The following PROM1 variants were observed in gnomAD, a reference collection of about 807,000 sequenced individuals.
The protein encoded by PROM1 is prominin 1.
PROM1 carries 105 observed loss-of-function variants against 116.9 expected under a neutral mutation model. The observed-to-expected ratio is 0.90, with a 90% CI of 0.77 to 1.06. The LOEUF (loss-of-function observed/expected upper bound fraction) is 1.06, where lower values mean the gene tolerates loss of function less well. Among genes scored for constraint, PROM1 ranks in the 50% least tolerant of loss-of-function variants. The pLI is 0.00. For synonymous variants in PROM1, 393 were observed against 387.0 expected (o/e 1.02, Z -0.18); for missense variants, 1,122 against 1,045.2 (o/e 1.07, Z -1.01).
intron 8 of PROM1, among the ~76,000 whole-genome samples, chr4:16,019,532 CT>C (rs1459029321): frequency 6.6e-5 from 10 of 152,172 alleles, no homozygotes; most frequent in Non-Finnish European, 1.2e-4. Context: ...GGAGGGGCAT[CT>C]AGTACCAGGA....
intron 3 of PROM1, among the ~76,000 whole-genome samples, chr4:16,036,019 G>A (rs575088638): frequency 3.9e-5 from 6 of 152,282 alleles, no homozygotes; most frequent in East Asian, 3.9e-4. Flanking sequence ...TTCTTAATCC[G>A]TATGCTAATC....
At chr4:15,995,994 T>A (rs2149150100) in intron 15 of PROM1, among the ~76,000 whole-genome samples, 1 of 152,340 alleles carries the variant, frequency 6.6e-6, no homozygotes, top group East Asian at 1.9e-4. Context: ...AAGCAGTTGT[T>A]AGTATGGTAC....
chr4:16,063,836 A>G (rs1560601698), intron 2 of PROM1, among the ~76,000 whole-genome samples: 1 of 152,192 alleles, frequency 6.6e-6, no homozygotes, highest in Non-Finnish European at 1.5e-5. Flanking sequence ...TACAGATGAA[A>G]TGACAGAACA....
At chr4:15,971,015 T>C (rs1714403213) in intron 27 of PROM1, 28 bp downstream of exon 27, 2 of 1,539,792 alleles carry the variant, frequency 1.3e-6, no homozygotes, top group African/African-American at 1.4e-5. Context: ...GTCCTGTAGA[T>C]TCTCTTCAAT....
chr4:15,977,993 G>A (rs754087139), intron 26 of PROM1, among the ~76,000 whole-genome samples: 1 of 152,084 alleles, frequency 6.6e-6, no homozygotes, highest in Non-Finnish European at 1.5e-5. Flanking sequence ...TCACGGTGAC[G>A]CTTTAGGTCA....
Position 15,994,431 on chromosome 4 carries a change from G to A in PROM1, c.1683-360C>T, listed in dbSNP as rs529654833. On this transcript the variant is annotated intron_variant, in intron 15 of 27. Coordinates refer to ENST00000447510, the MANE Select transcript of PROM1 (RefSeq NM_006017.3). Reference sequence around the variant, plus strand: ...TTGCTAGAAAGAGACGCACTGCAGAGTAGATTATGAACTTCATTAAATGAT... The same window carrying A: ...TTGCTAGAAAGAGACGCACTGCAGAATAGATTATGAACTTCATTAAATGAT... 2.3e-4 allele frequency among the ~76,000 whole-genome samples: 35 copies of A among 152,342 alleles called. No homozygotes were observed. In the South Asian group the frequency reaches 7.0e-3, roughly 31 times the overall value.
chr4:15,981,499 G>A (rs370144973), intron 23 of PROM1, among the ~76,000 whole-genome samples: 2 of 151,812 alleles, frequency 1.3e-5, no homozygotes, highest in South Asian at 4.2e-4. Context: ...GTGAACCCAG[G>A]AGGCGGAGGT....
At position 16,023,374 on chromosome 4, in the gene PROM1, T is replaced by C. The variant is rs1362199163; in HGVS notation, c.736A>G (p.Arg246Gly). The C allele has an allele frequency of 1.9e-6, 3 of 1,607,812 alleles. No individual in the cohort carries two copies. Among genetic ancestry groups the C allele is most frequent in the Non-Finnish European group, 2.5e-6 (3 of 1,176,860 alleles). ...TCAAGAACAGGGATGATGTTGGGTC[T>C]CAGTCGGTCAAGAATTCCGCCTCCT... is the stretch of plus-strand genomic sequence containing the variant. ...VLGGGILDRLRPNIIPVLDEI... is the reference protein window; with the variant it reads ...VLGGGILDRLGPNIIPVLDEI... Residue 246 changes from arginine (R) to glycine (G), a missense_variant, in exon 8 of 28, where the codon AGA becomes GGA. Arg to Gly is a moderately radical substitution (Grantham distance 125, BLOSUM62 -2). Coordinates refer to ENST00000447510, the MANE Select transcript of PROM1 (RefSeq NM_006017.3).
At chr4:16,005,105 G>C (rs1250237220) in intron 13 of PROM1, among the ~76,000 whole-genome samples, 1 of 151,696 alleles carries the variant, frequency 6.6e-6, no homozygotes, top group Non-Finnish European at 1.5e-5. Flanking sequence ...TGGGATTACA[G>C]GTGTGCACCA....
In PROM1 at chr4:16,016,167, T is replaced by C; in HGVS notation, c.1076A>G (p.Gln359Arg). The change falls in exon 10 of 28, where the codon CAG becomes CGG. Residue 359 changes from glutamine to arginine, a missense_variant and splice_region_variant. Coordinates refer to ENST00000447510, the MANE Select transcript of PROM1 (RefSeq NM_006017.3). ...LRTDLDGLVQ[Q>R]GYQSLNDIPD... is the part of the protein sequence containing the mutation. ...ATTGTATTTTTTCCAAAAGCATACC[T>C]GTTGGACCAGGCCATCCAAATCTGT... 2 of 1,553,578 alleles carry C rather than the reference T, an allele frequency of 1.3e-6. No homozygotes were observed. Among genetic ancestry groups the C allele is most frequent in the Non-Finnish European group, 1.7e-6 (2 of 1,147,638 alleles).
At chr4:15,981,530 C>G (rs1372880880) in intron 23 of PROM1, among the ~76,000 whole-genome samples, 1 of 151,362 alleles carries the variant, frequency 6.6e-6, no homozygotes, top group Non-Finnish European at 1.5e-5. Context: ...CGAGATTGCA[C>G]CACTGCACTC....
chr4:15,970,021 G>T (rs893352638), intron 27 of PROM1, among the ~76,000 whole-genome samples: 17 of 151,672 alleles, frequency 1.1e-4, no homozygotes, highest in African/African-American at 3.9e-4. Context: ...CTATTCACAG[G>T]TATAATCATG....
chr4:16,024,505 C>A, intron 6 of PROM1, 147 bp from the exon 7 acceptor site: 2 of 634,832 alleles, frequency 3.2e-6, no homozygotes, highest in Non-Finnish European at 5.3e-6. Context: ...TGCTTTCTGA[C>A]AAGTTGGAAC....
intron 10 of PROM1, among the ~76,000 whole-genome samples, chr4:16,015,965 T>C (rs1158645314): frequency 6.6e-6 from 1 of 152,096 alleles, no homozygotes; most frequent in Non-Finnish European, 1.5e-5. Context: ...AGCATGCCAC[T>C]TCACACATCA....
chr4:16,048,508 G>C (rs778913785), intron 2 of PROM1, among the ~76,000 whole-genome samples: 1 of 152,166 alleles, frequency 6.6e-6, no homozygotes, highest in Non-Finnish European at 1.5e-5. Flanking sequence ...ATATTTATCA[G>C]ACGTGTCGAA....
chr4:16,026,745 G>A (rs929695427), intron 5 of PROM1, among the ~76,000 whole-genome samples: 1 of 152,082 alleles, frequency 6.6e-6, no homozygotes, highest in Non-Finnish European at 1.5e-5. Context: ...TTCCTTTGCA[G>A]TATAACATAG....
At chr4:16,075,419 A>G (rs1456952619) in intron 2 of PROM1, among the ~76,000 whole-genome samples, 5 of 152,190 alleles carry the variant, frequency 3.3e-5, no homozygotes, top group African/African-American at 4.8e-5. Context: ...TCTAACCCAA[A>G]CAAAGCAAAA....
intron 26 of PROM1, among the ~76,000 whole-genome samples, chr4:15,973,524 T>C (rs1346435839): frequency 1.3e-5 from 2 of 152,154 alleles, no homozygotes; most frequent in African/African-American, 4.8e-5. Flanking sequence ...AAGAAGGTGG[T>C]TCACAGACAT....
Position 15,991,212 on chromosome 4 carries a change from T to C in PROM1, c.1983+10A>G, listed in dbSNP as rs754163523. 2.8e-5 allele frequency: 45 copies of C among 1,602,210 alleles called. No individual in the cohort carries two copies. The highest frequency in any genetic ancestry group is 3.7e-5 in the Non-Finnish European group (43 of 1,173,552). On this transcript the variant is annotated intron_variant, in intron 18 of 27. Coordinates refer to ENST00000447510, the MANE Select transcript of PROM1 (RefSeq NM_006017.3). ...CTACTACAGTATTTAACCGGACGAT[T>C]TGAACTCACCAAACTGTTTGCTTTT... is the stretch of plus-strand genomic sequence containing the variant.
Sources: allele counts gnomAD v4.1 joint callset (sites outside exome capture counted in the v4.1 genomes callset), GRCh38; gene constraint gnomAD v4.1.1; transcripts MANE v1.5; gene names NCBI Gene and HGNC (gene_info 2026-07-23, HGNC 2026-07-21).